VIRMA: variants seen among roughly 807,000 people sequenced by gnomAD.
The protein encoded by VIRMA is protein virilizer homolog.
Under a neutral mutation model 182.4 loss-of-function variants are expected in VIRMA, and 65 were observed. The observed-to-expected ratio is 0.36, with a 90% CI of 0.29 to 0.44. The LOEUF (loss-of-function observed/expected upper bound fraction) is 0.44, where lower values mean the gene tolerates loss of function less well. VIRMA is among the 20% of genes least tolerant of loss of function. The pLI, the probability that VIRMA is intolerant of heterozygous loss-of-function variation, is 1.00. For missense variants in VIRMA, 1,752 were observed against 2,158.1 expected, an observed-to-expected ratio of 0.81 and a Z score of 3.73; for synonymous variants, 709 against 743.1, an observed-to-expected ratio of 0.95 and a Z score of 0.75.
At position 94,488,867 on chromosome 8, in the gene VIRMA, A is replaced by G. The variant is rs753108048; in HGVS notation, c.5285-7T>C. On this transcript the variant is annotated splice_polypyrimidine_tract_variant and splice_region_variant and intron_variant, in intron 23 of 23. Coordinates refer to ENST00000297591, the MANE Select transcript of VIRMA (RefSeq NM_015496.5). ...CGAGGACTTGGGCGGTAACCTGTAA[A>G]AGAAAGAATACAGTTTTTAGTTCCA... The G allele has an allele frequency of 1.2e-6, 2 of 1,610,520 alleles. No homozygotes were observed. The highest frequency in any genetic ancestry group is 4.5e-5 in the East Asian group (2 of 44,856).
chr8:94,517,871 G>A lies in VIRMA; in HGVS notation c.2585C>T (p.Ser862Phe), dbSNP rs144634788. Residue 862 changes from serine (S) to phenylalanine (F), a missense_variant, in exon 10 of 24, where the codon TCC becomes TTC. Coordinates refer to ENST00000297591, the MANE Select transcript of VIRMA (RefSeq NM_015496.5). ...TTGTTCTAGCATTTGAACATCACTG[G>A]AAGACTGAACCACCACCAAAATAAG... ...CILILVVVQS[S>F]SDVQMLEQHA... 1.2e-4 allele frequency: 190 copies of A among 1,612,078 alleles called. No homozygotes were observed. Among genetic ancestry groups the A allele is most frequent in the Admixed American group, 1.8e-4 (11 of 59,984 alleles).
In VIRMA at chr8:94,543,752, C is replaced by T. The variant is rs1476245135; in HGVS notation, c.179+75G>A. 8 of 804,772 alleles carry T rather than the reference C, an allele frequency of 9.9e-6. No individual in the cohort carries two copies. The African/African-American group carries it at 1.4e-4, about 14-fold the overall frequency. 49.9% of individuals were successfully genotyped at this position (804,772 alleles called of 1,614,324 possible). ...TTATCACTTGTAAAATATTCCCTTACATTTTTGCATTTAAGAATATGTTTC... is the reference window on the plus strand; with the variant it reads ...TTATCACTTGTAAAATATTCCCTTATATTTTTGCATTTAAGAATATGTTTC... On this transcript the variant is annotated intron_variant, in intron 2 of 23. Coordinates refer to ENST00000297591, the MANE Select transcript of VIRMA (RefSeq NM_015496.5).
At chr8:94,536,632 A>G (rs772616032) in intron 4 of VIRMA, among the ~76,000 whole-genome samples, 12 of 152,206 alleles carry the variant, frequency 7.9e-5, no homozygotes, top group Non-Finnish European at 1.5e-4. Flanking sequence ...CGGCATTACA[A>G]TGTCTTTACT....
Position 94,494,842 on chromosome 8 carries a change from T to G in VIRMA, c.4641+18A>C. On this transcript the variant is annotated intron_variant, in intron 20 of 23. Transcript: ENST00000297591. ...AAAAACAATAACGTTTTTCTAAATA[T>G]TTAGTAATAATTTATACCAAATCCA... 1 of 1,308,244 alleles carries G rather than the reference T, an allele frequency of 7.6e-7. No homozygotes were observed. The highest frequency in any genetic ancestry group is 1.1e-6 in the Non-Finnish European group (1 of 923,498). The allele number at this position is 1,308,244 out of a possible 1,614,324, so 81.0% of individuals were successfully genotyped here.
chr8:94,494,040 C>T (rs1382373787), intron 20 of VIRMA, among the ~76,000 whole-genome samples: 6 of 152,186 alleles, frequency 3.9e-5, no homozygotes, highest in Admixed American at 1.3e-4. Context: ...TCTCCTTGAA[C>T]CCAAATGCAA....
chr8:94,546,896 A>G (rs1489480977), intron 1 of VIRMA: 1 of 455,728 alleles, frequency 2.2e-6, no homozygotes, highest in Non-Finnish European at 4.4e-6. Flanking sequence ...CTTATAAACA[A>G]GACTGGCTTC....
intron 11 of VIRMA, among the ~76,000 whole-genome samples, chr8:94,512,980 T>C (rs1340097821): frequency 6.6e-6 from 1 of 152,212 alleles, no homozygotes; most frequent in Admixed American, 6.5e-5. Flanking sequence ...TATGCTATGT[T>C]TCTAGGTAAC....
intron 16 of VIRMA, among the ~76,000 whole-genome samples, chr8:94,504,273 A>G (rs755758874): frequency 4.6e-5 from 7 of 151,642 alleles, no homozygotes; most frequent in African/African-American, 7.3e-5. Flanking sequence ...GCCCTTGATG[A>G]TCTTTCTCCC....
At chr8:94,517,206 T>C (rs1375949553) in intron 10 of VIRMA, among the ~76,000 whole-genome samples, 1 of 152,182 alleles carries the variant, frequency 6.6e-6, no homozygotes, top group Non-Finnish European at 1.5e-5. Context: ...AACTAAACTT[T>C]TGAGTCTTTT....
At chr8:94,496,296 C>T in intron 18 of VIRMA, 32 bp downstream of exon 18, 11 of 1,587,684 alleles carry the variant, frequency 6.9e-6, no homozygotes, top group Non-Finnish European at 9.4e-6. Flanking sequence ...GGAAAATAGG[C>T]CTTAAGAACG....
intron 13 of VIRMA, chr8:94,510,877 T>G: frequency 2.2e-6 from 2 of 930,190 alleles, no homozygotes; most frequent in Non-Finnish European, 3.1e-6. Flanking sequence ...GGTGAAGCAA[T>G]CTAGTTATTG....
intron 16 of VIRMA, among the ~76,000 whole-genome samples, chr8:94,504,686 T>C (rs899823053): frequency 1.3e-5 from 2 of 152,144 alleles, no homozygotes; most frequent in African/African-American, 4.8e-5. Context: ...CAAGAAATGA[T>C]AGTGGCCTGG....
chr8:94,525,992 T>C (rs1469732587), intron 8 of VIRMA, among the ~76,000 whole-genome samples: 2 of 152,242 alleles, frequency 1.3e-5, no homozygotes, highest in Non-Finnish European at 1.5e-5. Flanking sequence ...TCATTGTTAA[T>C]TACTAAAATC....
chr8:94,496,386 A>G lies in VIRMA; in HGVS notation c.4325T>C (p.Leu1442Pro). 6.2e-7 allele frequency: 1 copy of G among 1,613,770 alleles called. No homozygotes were observed. Among genetic ancestry groups the G allele is most frequent in the Non-Finnish European group, 8.5e-7 (1 of 1,179,826 alleles). ...TTCTGGACTTTCTTCTTTGCTTTGT[A>G]GAAGCTGTTTTAACTCTGCAGCATT... is the stretch of plus-strand genomic sequence containing the variant. ...SINAAELKQLLQSKEESPENL... is the reference protein window; with the variant it reads ...SINAAELKQLPQSKEESPENL... The change falls in exon 18 of 24, where the codon CTA becomes CCA. Residue 1442 changes from leucine (L) to proline (P), a missense_variant. By Grantham distance (98) the Leu-to-Pro change is moderately conservative. This residue lies in a region of VIRMA where 777 missense variants were observed against 920.6 expected (regional missense o/e 0.84). Coordinates refer to ENST00000297591, the MANE Select transcript of VIRMA (RefSeq NM_015496.5).
At chr8:94,530,729 T>G (rs1207724075) in intron 6 of VIRMA, among the ~76,000 whole-genome samples, 1 of 151,880 alleles carries the variant, frequency 6.6e-6, no homozygotes, top group South Asian at 2.1e-4. Context: ...CTGGGCAAAA[T>G]AGTGAGACCC....
chr8:94,492,685 C>A lies in VIRMA; in HGVS notation c.4775G>T (p.Gly1592Val). ...TATAAAGGTCTCATGCTTGTGCTTCCCAAGTTTGAATCCTTTAGTAGTCTT... is the reference window on the plus strand; with the variant it reads ...TATAAAGGTCTCATGCTTGTGCTTCACAAGTTTGAATCCTTTAGTAGTCTT... ...RTKTTKGFKL[G>V]KHKHETFITS... Residue 1592 changes from glycine (G) to valine (V), a missense_variant, in exon 21 of 24, where the codon GGG becomes GTG. Gly to Val is a moderately radical substitution (Grantham distance 109). This residue lies in a region of VIRMA where 777 missense variants were observed against 920.6 expected (regional missense o/e 0.84). Coordinates refer to ENST00000297591, the MANE Select transcript of VIRMA (RefSeq NM_015496.5). 2 of 1,613,860 alleles carry A rather than the reference C, an allele frequency of 1.2e-6. No homozygotes were observed. Among genetic ancestry groups the A allele is most frequent in the East Asian group, 4.5e-5 (2 of 44,856 alleles).
chr8:94,547,604 T>G (rs1341327188), intron 1 of VIRMA, among the ~76,000 whole-genome samples: 1 of 150,872 alleles, frequency 6.6e-6, no homozygotes, highest in African/African-American at 2.5e-5. Context: ...GATTTTCCAG[T>G]ATCGACCTAG....
At chr8:94,507,629 C>T (rs1475226196) in intron 15 of VIRMA, among the ~76,000 whole-genome samples, 1 of 151,874 alleles carries the variant, frequency 6.6e-6, no homozygotes, top group African/African-American at 2.4e-5. Context: ...GTGGCACACA[C>T]ATGTAATCCC....
At chr8:94,544,459 T>G (rs768138639) in intron 1 of VIRMA, among the ~76,000 whole-genome samples, 7 of 151,204 alleles carry the variant, frequency 4.6e-5, no homozygotes, top group Non-Finnish European at 8.8e-5. Context: ...GATCACGAGG[T>G]CAGGAGATTG....
Sources: gnomAD v4.1 joint callset for allele counts (sites outside exome capture counted in the v4.1 genomes callset) on GRCh38, gnomAD v4.1.1 for gene constraint, gnomAD v4.1.1 regional missense constraint, MANE v1.5 for transcripts, NCBI Gene and HGNC (gene_info 2026-07-23, HGNC 2026-07-21) for gene names.